The following PTK7 variants were observed in gnomAD, a reference collection of about 807,000 sequenced individuals.
PTK7 encodes protein tyrosine kinase 7 (inactive), also known as inactive tyrosine-protein kinase 7.
PTK7 carries 39 observed loss-of-function variants against 116.6 expected under a neutral mutation model. The observed-to-expected ratio is 0.33, with a 90% CI of 0.26 to 0.44. The LOEUF (loss-of-function observed/expected upper bound fraction) is 0.44, where lower values mean the gene tolerates loss of function less well. Ranked by LOEUF, PTK7 falls within the 20% of genes least tolerant of loss-of-function variation. The pLI, the probability that PTK7 is intolerant of heterozygous loss-of-function variation, is 1.00. For synonymous variants in PTK7, 546 were observed against 563.6 expected, an observed-to-expected ratio of 0.97 and a Z score of 0.44; for missense variants, 1,169 against 1,425.6, an observed-to-expected ratio of 0.82 and a Z score of 2.90.
intron 7 of PTK7, 126 bp from the exon 8 acceptor site, chr6:43,138,723 G>C: frequency 1.4e-5 from 19 of 1,338,784 alleles, no homozygotes; most frequent in Non-Finnish European, 1.9e-5. Flanking sequence ...GGAAACTCCT[G>C]CCATCTGAGG....
chr6:43,082,450 A>T (rs1465448390), intron 1 of PTK7, among the ~76,000 whole-genome samples: 2 of 152,172 alleles, frequency 1.3e-5, no homozygotes, highest in Non-Finnish European at 2.9e-5. Context: ...TGCTGGGATT[A>T]CAGGCGTGAG....
At chr6:43,123,911 G>A (rs921885359) in intron 1 of PTK7, among the ~76,000 whole-genome samples, 6 of 152,298 alleles carry the variant, frequency 3.9e-5, no homozygotes, top group Middle Eastern at 3.4e-3. Flanking sequence ...GGTGGTGGCC[G>A]CTGTCCCCAT....
chr6:43,129,426 T>A lies in PTK7; in HGVS notation c.367+162T>A. The A allele has an allele frequency of 9.6e-7, 1 of 1,043,520 alleles. No homozygotes were observed. Among genetic ancestry groups the A allele is most frequent in the Non-Finnish European group, 1.4e-6 (1 of 732,438 alleles). 64.6% of individuals were successfully genotyped at this position (1,043,520 alleles called of 1,614,324 possible). On this transcript the variant is annotated intron_variant, in intron 2 of 19. Transcript: ENST00000230419. The surrounding 1 kb of genome is among the most constrained non-coding windows in gnomAD (Gnocchi z 4.5). ...TTTGCTCATGTGGATAAGAGGAAAT[T>A]AAAAGTTATATTTTTTCCAAAATTT...
intron 7 of PTK7, among the ~76,000 whole-genome samples, chr6:43,134,119 A>T (rs1250409297): frequency 1.3e-5 from 2 of 152,136 alleles, no homozygotes; most frequent in Non-Finnish European, 2.9e-5. Flanking sequence ...GCTCACTGCA[A>T]CCTGCGCCTC....
chr6:43,099,497 C>T (rs1023818811), intron 1 of PTK7, among the ~76,000 whole-genome samples: 3 of 151,966 alleles, frequency 2.0e-5, no homozygotes, highest in South Asian at 4.1e-4. Context: ...GATGGGATTA[C>T]AGCCATGAGC....
At chr6:43,091,186 G>A (rs1282913838) in intron 1 of PTK7, among the ~76,000 whole-genome samples, 1 of 148,824 alleles carries the variant, frequency 6.7e-6, no homozygotes, top group Non-Finnish European at 1.5e-5. Context: ...TTGGAGATGG[G>A]GTCTCACTCT....
At chr6:43,155,405 A>C (rs1771365737) in intron 17 of PTK7, among the ~76,000 whole-genome samples, 1 of 152,058 alleles carries the variant, frequency 6.6e-6, no homozygotes, top group Non-Finnish European at 1.5e-5. Context: ...GTGCTTTGGG[A>C]GCCGAGGCAG....
In PTK7 at chr6:43,132,164, G is replaced by T; in HGVS notation, c.961G>T (p.Glu321Ter). 1 of 1,608,204 alleles carries T rather than the reference G, an allele frequency of 6.2e-7. No homozygotes were observed. The highest frequency in any genetic ancestry group is 8.5e-7 in the Non-Finnish European group (1 of 1,175,580). The change falls in exon 6 of 20, where the codon GAG (glutamate) becomes TAG (stop). Residue 321 changes from glutamate to a stop codon, truncating the protein, a stop_gained and splice_region_variant. Coordinates refer to ENST00000230419, the MANE Select transcript of PTK7 (RefSeq NM_002821.5). LOFTEE classifies it high-confidence loss of function. ...CCTGGAAGCCACACTTCACCTAGCAGGTGAGTCTCTGGGTCTGGGGTGCTG... is the reference window on the plus strand; with the variant it reads ...CCTGGAAGCCACACTTCACCTAGCATGTGAGTCTCTGGGTCTGGGGTGCTG... Reference protein sequence around the residue: ...IILEATLHLAEIEDMPLFEPR... With the variant: ...IILEATLHLA
At chr6:43,121,063 T>G (rs980095174) in intron 1 of PTK7, among the ~76,000 whole-genome samples, 6 of 150,578 alleles carry the variant, frequency 4.0e-5, no homozygotes, top group Admixed American at 1.3e-4. Context: ...TCTGTTTTTT[T>G]TTTTTTTTTT....
Position 43,143,755 on chromosome 6 carries a change from C to T in PTK7, c.2251+135C>T. On this transcript the variant is annotated intron_variant, in intron 14 of 19. Transcript: ENST00000230419. The surrounding 1 kb of genome is among the most constrained non-coding windows in gnomAD (Gnocchi z 4.2). ...GGTCCTGGAGCTGGGACTGCCCCAC[C>T]CCTAGCGGGAAGCCTGGAGTTGGAT... is the stretch of plus-strand genomic sequence containing the variant. 1 of 962,280 alleles carries T rather than the reference C, an allele frequency of 1.0e-6. No individual in the cohort carries two copies. Among genetic ancestry groups the T allele is most frequent in the Non-Finnish European group, 1.5e-6 (1 of 667,768 alleles). 59.6% of individuals were successfully genotyped at this position (962,280 alleles called of 1,614,324 possible). A position where few individuals can be genotyped will look rare whatever the true frequency, so the allele number is the denominator to read the frequency against.
At chr6:43,144,427 C>T (rs769753879) in intron 14 of PTK7, 24 bp from the exon 15 acceptor site, 13 of 1,613,770 alleles carry the variant, frequency 8.1e-6, no homozygotes, top group Middle Eastern at 1.6e-4. Flanking sequence ...CTCATCGTGA[C>T]GCTCTTGTCC....
chr6:43,117,871 G>A (rs1768650543), intron 1 of PTK7, among the ~76,000 whole-genome samples: 1 of 151,974 alleles, frequency 6.6e-6, no homozygotes, highest in African/African-American at 2.4e-5. Context: ...GGGAGGTGGA[G>A]GTTGCAGTGA....
intron 1 of PTK7, among the ~76,000 whole-genome samples, chr6:43,080,123 T>G (rs1398706333): frequency 1.4e-5 from 2 of 140,588 alleles, no homozygotes; most frequent in African/African-American, 2.7e-5. Context: ...GAGGCTGAGG[T>G]GGGCGGATCA....
chr6:43,142,439 T>C, intron 13 of PTK7, 140 bp downstream of exon 13: 1 of 1,288,114 alleles, frequency 7.8e-7, no homozygotes, highest in Non-Finnish European at 1.1e-6. Context: ...CTCACCATGC[T>C]GCTGCACAGT....
intron 17 of PTK7, among the ~76,000 whole-genome samples, chr6:43,147,991 A>G (rs1199741740): frequency 1.3e-5 from 2 of 152,182 alleles, no homozygotes; most frequent in African/African-American, 2.4e-5. Context: ...TAAAACAGAC[A>G]GGCATCAGCT....
At chr6:43,094,215 T>C (rs1418375808) in intron 1 of PTK7, among the ~76,000 whole-genome samples, 5 of 152,190 alleles carry the variant, frequency 3.3e-5, no homozygotes, top group Admixed American at 2.0e-4. Context: ...GCCTGGAAAG[T>C]AGATAGGGCT....
At chr6:43,158,261 T>G (rs1399498493) in intron 17 of PTK7, among the ~76,000 whole-genome samples, 1 of 150,816 alleles carries the variant, frequency 6.6e-6, no homozygotes, top group African/African-American at 2.4e-5. Flanking sequence ...ATCATGCCAC[T>G]GCACTCCAGC....
intron 13 of PTK7, chr6:43,142,502 GGT>G (rs142795079): frequency 0.033 from 23,305 of 711,640 alleles, no homozygotes; most frequent in Non-Finnish European, 0.036. Flanking sequence ...TCCAACGGTC[GGT>G]GTGTGTGTGT....
chr6:43,130,999 T>C (rs938554389), intron 5 of PTK7, among the ~76,000 whole-genome samples: 5 of 148,856 alleles, frequency 3.4e-5, no homozygotes, highest in Non-Finnish European at 7.4e-5. Flanking sequence ...GGTCATAGTC[T>C]AGATAGCGTG....
Sources: gnomAD v4.1 joint callset for allele counts (sites outside exome capture counted in the v4.1 genomes callset) on GRCh38, gnomAD v4.1.1 for gene constraint, Gnocchi (gnomAD v3.1) non-coding constraint, MANE v1.5 for transcripts, NCBI Gene and HGNC (gene_info 2026-07-23, HGNC 2026-07-21) for gene names.